EPB41L4A: variants seen among roughly 807,000 people sequenced by gnomAD.
The protein encoded by EPB41L4A is erythrocyte membrane protein band 4.1 like 4A, also known as band 4.1-like protein 4A.
A neutral mutation model predicts 108.6 loss-of-function variants in EPB41L4A; 100 were observed. The observed-to-expected ratio is 0.92, with a 90% CI of 0.78 to 1.09. The LOEUF (loss-of-function observed/expected upper bound fraction) is 1.09, where lower values mean the gene tolerates loss of function less well. Ranked by LOEUF, EPB41L4A falls within the 50% of genes least tolerant of loss-of-function variation. The pLI is 0.00. For synonymous variants in EPB41L4A, 319 were observed against 289.0 expected, an observed-to-expected ratio of 1.10 and a Z score of -1.05; for missense variants, 1,030 against 842.7, an observed-to-expected ratio of 1.22 and a Z score of -2.75.
chr5:112,189,633 T>C (rs761597756), intron 17 of EPB41L4A, among the ~76,000 whole-genome samples: 1 of 152,192 alleles, frequency 6.6e-6, no homozygotes, highest in Non-Finnish European at 1.5e-5. Context: ...TTTCTCTGTT[T>C]TAATACTTGG....
chr5:112,197,106 C>T, intron 15 of EPB41L4A: 1 of 91,456 alleles, frequency 1.1e-5, no homozygotes, highest in African/African-American at 3.9e-5. Flanking sequence ...CATTAACTAC[C>T]CTCCCACCTC....
intron 1 of EPB41L4A, among the ~76,000 whole-genome samples, chr5:112,408,155 T>C (rs767962827): frequency 2.4e-4 from 36 of 152,208 alleles, no homozygotes; most frequent in Non-Finnish European, 5.0e-4. Flanking sequence ...GACAATTCAA[T>C]GGAAAAAAAC....
At chr5:112,359,300 G>A (rs1040984727) in intron 1 of EPB41L4A, among the ~76,000 whole-genome samples, 1 of 152,150 alleles carries the variant, frequency 6.6e-6, no homozygotes, top group East Asian at 1.9e-4. Flanking sequence ...CAAAGGTAAA[G>A]AACACAAATA....
chr5:112,196,413 C>T (rs942614772), intron 15 of EPB41L4A, among the ~76,000 whole-genome samples: 6 of 152,214 alleles, frequency 3.9e-5, no homozygotes, highest in African/African-American at 1.4e-4. Context: ...AAAATGCATA[C>T]ACTAGGACCT....
chr5:112,286,894 C>A (rs1231800374), intron 2 of EPB41L4A, among the ~76,000 whole-genome samples: 2 of 150,882 alleles, frequency 1.3e-5, no homozygotes, highest in African/African-American at 4.9e-5. Context: ...GTTCTACATT[C>A]TCTCATCTCC....
chr5:112,215,780 A>C (rs13167971), intron 12 of EPB41L4A, among the ~76,000 whole-genome samples: 2 of 139,864 alleles, frequency 1.4e-5, no homozygotes. Flanking sequence ...AAAAAAAACA[A>C]AAAAAACAAA....
intron 12 of EPB41L4A, among the ~76,000 whole-genome samples, chr5:112,223,645 C>A (rs192931709): frequency 6.6e-6 from 1 of 152,142 alleles, no homozygotes; most frequent in East Asian, 1.9e-4. Context: ...AAACAACTGC[C>A]GAGGTAGAGC....
intron 1 of EPB41L4A, among the ~76,000 whole-genome samples, chr5:112,354,462 T>G (rs113923599): frequency 0.011 from 1,648 of 152,224 alleles, 27 homozygotes; most frequent in African/African-American, 0.038. Flanking sequence ...CCGGCAACAC[T>G]GCAGATAGGC....
intron 6 of EPB41L4A, 89 bp downstream of exon 6, chr5:112,264,807 G>A (rs1751735615): frequency 5.3e-6 from 7 of 1,320,956 alleles, no homozygotes; most frequent in African/African-American, 3.0e-5. Flanking sequence ...CACAGGTGAA[G>A]AATTTATCAT....
intron 12 of EPB41L4A, among the ~76,000 whole-genome samples, chr5:112,229,111 T>TA (rs1387163861): frequency 6.6e-6 from 1 of 152,230 alleles, no homozygotes; most frequent in Non-Finnish European, 1.5e-5. Flanking sequence ...AAAGGTCTTC[T>TA]AAAGTAAAAA....
At chr5:112,331,592 G>T (rs1423727024) in intron 1 of EPB41L4A, among the ~76,000 whole-genome samples, 5 of 152,202 alleles carry the variant, frequency 3.3e-5, no homozygotes, top group Non-Finnish European at 7.3e-5. Flanking sequence ...GAGCAGCTGA[G>T]GGTACCTGGT....
intron 1 of EPB41L4A, among the ~76,000 whole-genome samples, chr5:112,311,304 G>A (rs1755034412): frequency 6.6e-6 from 1 of 152,096 alleles, no homozygotes; most frequent in Non-Finnish European, 1.5e-5. Flanking sequence ...GGATCCAACT[G>A]TATACTAAAA....
intron 6 of EPB41L4A, 78 bp downstream of exon 6, chr5:112,264,818 T>C: frequency 7.1e-7 from 1 of 1,417,928 alleles, no homozygotes; most frequent in South Asian, 1.4e-5. Flanking sequence ...AATTTATCAT[T>C]CTAGAAACTT....
intron 6 of EPB41L4A, among the ~76,000 whole-genome samples, chr5:112,262,887 C>A (rs1344147014): frequency 1.3e-5 from 2 of 152,102 alleles, no homozygotes; most frequent in Non-Finnish European, 2.9e-5. Context: ...AGAATATAAG[C>A]ACTCAAATTA....
chr5:112,345,347 T>C (rs1561590739), intron 1 of EPB41L4A, among the ~76,000 whole-genome samples: 2 of 152,220 alleles, frequency 1.3e-5, no homozygotes, highest in African/African-American at 2.4e-5. Flanking sequence ...GTAGTAAATA[T>C]GGATAATAGA....
intron 1 of EPB41L4A, among the ~76,000 whole-genome samples, chr5:112,390,662 AC>A: frequency 6.6e-6 from 1 of 152,278 alleles, no homozygotes; most frequent in Admixed American, 6.5e-5. Flanking sequence ...GCAGATTTAA[AC>A]ATACCTGTCT....
chr5:112,224,008 G>A (rs964444294), intron 12 of EPB41L4A, among the ~76,000 whole-genome samples: 1 of 152,210 alleles, frequency 6.6e-6, no homozygotes, highest in African/African-American at 2.4e-5. Flanking sequence ...CTGGAGTGCA[G>A]TGGCGCGATC....
chr5:112,253,381 G>A (rs150621115), intron 9 of EPB41L4A, among the ~76,000 whole-genome samples: 12 of 152,120 alleles, frequency 7.9e-5, no homozygotes, highest in African/African-American at 2.4e-4. Context: ...TAAAACAGTG[G>A]GGTATAACTG....
chr5:112,367,969 G>A (rs1192489912), intron 1 of EPB41L4A, among the ~76,000 whole-genome samples: 2 of 152,156 alleles, frequency 1.3e-5, no homozygotes, highest in African/African-American at 4.8e-5. Flanking sequence ...CCAGGAAGAT[G>A]AAGCAAATGA....
Sources: gnomAD v4.1 joint callset for allele counts (sites outside exome capture counted in the v4.1 genomes callset) on GRCh38, gnomAD v4.1.1 for gene constraint, MANE v1.5 for transcripts, NCBI Gene and HGNC (gene_info 2026-07-23, HGNC 2026-07-21) for gene names.